ADD3: variants seen among roughly 807,000 people sequenced by gnomAD.
ADD3 encodes gamma-adducin.
Under a neutral mutation model 80.2 loss-of-function variants are expected in ADD3, and 25 were observed. That is an observed-to-expected ratio of 0.31 (90% CI 0.23 to 0.44). The LOEUF is 0.44. Ranked by LOEUF, ADD3 falls within the 20% of genes least tolerant of loss-of-function variation. The pLI, the probability that ADD3 is intolerant of heterozygous loss-of-function variation, is 1.00. For synonymous variants in ADD3, 284 were observed against 289.6 expected (o/e 0.98, Z 0.20); for missense variants, 829 against 847.5 (o/e 0.98, Z 0.27).
chr10:110,026,433 A>G (rs7094149), intron 1 of ADD3, among the ~76,000 whole-genome samples: 20,612 of 151,944 alleles, frequency 0.14, 4,501 homozygotes, highest in African/African-American at 0.46. Context: ...GGCACGTGCC[A>G]CCACGCCTGG....
chr10:110,090,131 T>C (rs1252945891), intron 1 of ADD3, among the ~76,000 whole-genome samples: 1 of 148,230 alleles, frequency 6.7e-6, no homozygotes, highest in Non-Finnish European at 1.5e-5. Flanking sequence ...GAGGTTAGAC[T>C]GATCCTCAGC....
At chr10:110,104,368 G>A (rs56387163) in intron 2 of ADD3, among the ~76,000 whole-genome samples, 1,622 of 152,284 alleles carry the variant, frequency 0.011, 32 homozygotes, top group African/African-American at 0.038. Context: ...TTCTTGAAAG[G>A]TAGCCTGTGT....
intron 2 of ADD3, among the ~76,000 whole-genome samples, chr10:110,102,655 A>G (rs1421868160): frequency 6.6e-6 from 1 of 152,208 alleles, no homozygotes; most frequent in Non-Finnish European, 1.5e-5. Flanking sequence ...TAGTAACAGC[A>G]TATTAGTAAC....
At chr10:110,013,290 A>G (rs911534970) in intron 1 of ADD3, among the ~76,000 whole-genome samples, 1 of 151,438 alleles carries the variant, frequency 6.6e-6, no homozygotes, top group Non-Finnish European at 1.5e-5. Flanking sequence ...TTTAGTAGAG[A>G]TGGGGTTTTG....
intron 1 of ADD3, among the ~76,000 whole-genome samples, chr10:109,999,648 A>C (rs531475821): frequency 6.6e-6 from 1 of 152,360 alleles, no homozygotes; most frequent in African/African-American, 2.4e-5. Context: ...TAAATGTAGT[A>C]TAAACTTCAA....
chr10:110,041,617 G>A (rs374938721), intron 1 of ADD3, among the ~76,000 whole-genome samples: 3 of 152,102 alleles, frequency 2.0e-5, no homozygotes, highest in Admixed American at 6.5e-5. Context: ...TTCCACAGAC[G>A]TGCTTAGAAT....
intron 1 of ADD3, among the ~76,000 whole-genome samples, chr10:109,997,844 A>G (rs2133662434): frequency 6.6e-6 from 1 of 152,360 alleles, no homozygotes; most frequent in Non-Finnish European, 1.5e-5. Context: ...CATCAGACCT[A>G]CTACAGAAGA....
intron 1 of ADD3, 61 bp from the exon 2 acceptor site, chr10:110,100,553 CTGCTTGACCCA>C (rs1293506578): frequency 9.9e-7 from 1 of 1,012,664 alleles, no homozygotes; most frequent in Non-Finnish European, 1.4e-6. Flanking sequence ...TGTAAAAGTT[CTGCTTGACCCA>C]TGTAAATTTT....
upstream of ADD3, among the ~76,000 whole-genome samples, chr10:110,005,606 T>G (rs984534204): frequency 6.6e-6 from 1 of 152,220 alleles, no homozygotes; most frequent in Non-Finnish European, 1.5e-5. Context: ...TAAATTAAAT[T>G]AAATATTAGC....
intron 6 of ADD3, 147 bp downstream of exon 6, chr10:110,118,883 C>A: frequency 2.5e-6 from 2 of 788,934 alleles, no homozygotes; most frequent in Non-Finnish European, 3.9e-6. Flanking sequence ...GCCTTTGGGA[C>A]CAAATGCTAC....
intron 1 of ADD3, among the ~76,000 whole-genome samples, chr10:110,081,042 A>C (rs774029321): frequency 6.6e-6 from 1 of 152,206 alleles, no homozygotes; most frequent in Non-Finnish European, 1.5e-5. Flanking sequence ...TAAGGACTTC[A>C]ATTGATTTGT....
At chr10:109,996,802 C>A (rs953552580) in intron 1 of ADD3, among the ~76,000 whole-genome samples, 1 of 152,146 alleles carries the variant, frequency 6.6e-6, no homozygotes, top group Non-Finnish European at 1.5e-5. Context: ...ATGCGTTAAA[C>A]TTTCCTTCCT....
chr10:110,039,681 G>GAGCAGGA (rs1196333271), intron 1 of ADD3, among the ~76,000 whole-genome samples: 36 of 152,206 alleles, frequency 2.4e-4, no homozygotes, highest in Admixed American at 1.5e-3. Flanking sequence ...AGTTTCTGTG[G>GAGCAGGA]AGCAGGAATC....
chr10:110,128,091 A>C (rs1852420272), intron 12 of ADD3, among the ~76,000 whole-genome samples: 1 of 121,162 alleles, frequency 8.3e-6, no homozygotes. Context: ...CCCTTTCTGC[A>C]TCCCTGCTGT....
At chr10:110,125,992 A>C (rs1158309901) in intron 11 of ADD3, 47 bp downstream of exon 11, 1 of 1,549,840 alleles carries the variant, frequency 6.5e-7, no homozygotes, top group Non-Finnish European at 8.8e-7. Context: ...TAATTGCTTT[A>C]TGTTTAAATC....
At chr10:110,015,654 G>A (rs1852891495) in intron 1 of ADD3, among the ~76,000 whole-genome samples, 1 of 151,822 alleles carries the variant, frequency 6.6e-6, no homozygotes, top group Non-Finnish European at 1.5e-5. Context: ...GATTACAGGT[G>A]TGAGCCACTG....
intron 1 of ADD3, among the ~76,000 whole-genome samples, chr10:110,093,940 T>C (rs1215754490): frequency 6.6e-6 from 1 of 152,212 alleles, no homozygotes; most frequent in East Asian, 1.9e-4. Context: ...TGACCACAGG[T>C]AACTGAAACT....
chr10:110,116,488 G>A (rs1331302461), intron 4 of ADD3, 78 bp downstream of exon 4: 2 of 1,456,704 alleles, frequency 1.4e-6, no homozygotes, highest in Admixed American at 3.9e-5. Context: ...CCTTTACCTG[G>A]AAGTCCAGTT....
chr10:110,026,872 T>C (rs1348559721), intron 1 of ADD3, among the ~76,000 whole-genome samples: 1 of 152,132 alleles, frequency 6.6e-6, no homozygotes, highest in African/African-American at 2.4e-5. Flanking sequence ...ACCTGAAAGT[T>C]TGGGTTCTTC....
Sources: allele counts gnomAD v4.1 joint callset (sites outside exome capture counted in the v4.1 genomes callset), GRCh38; gene constraint gnomAD v4.1.1; transcripts MANE v1.5; gene names NCBI Gene and HGNC (gene_info 2026-07-23, HGNC 2026-07-21).